Variants in BAZ2B observed in about 807,000 individuals in gnomAD.
BAZ2B encodes the protein bromodomain adjacent to zinc finger domain 2B, also known as bromodomain adjacent to zinc finger domain protein 2B.
BAZ2B carries 91 observed loss-of-function variants against 246.0 expected under a neutral mutation model. That is an observed-to-expected ratio of 0.37 (90% CI 0.31 to 0.44). The LOEUF is 0.44. Among genes scored for constraint, BAZ2B ranks in the 20% least tolerant of loss-of-function variants. BAZ2B has a pLI of 1.00. For synonymous variants in BAZ2B, 855 were observed against 860.0 expected (o/e 0.99, Z 0.10); for missense variants, 2,332 against 2,533.7 (o/e 0.92, Z 1.71).
intron 3 of BAZ2B, chr2:159,458,700 A>G (rs1166705618): frequency 6.6e-6 from 1 of 152,134 alleles, no homozygotes; most frequent in African/African-American, 2.4e-5. Flanking sequence ...CTTCTTAACT[A>G]TACATCTTTC....
At chr2:159,368,120 A>T (rs1373144971) in intron 27 of BAZ2B, among the ~76,000 whole-genome samples, 4 of 152,204 alleles carry the variant, frequency 2.6e-5, no homozygotes, top group African/African-American at 9.6e-5. Context: ...GGATAGGGAC[A>T]GGTTAACTGA....
intron 2 of BAZ2B, among the ~76,000 whole-genome samples, chr2:159,514,273 C>G (rs1477244383): frequency 6.6e-6 from 1 of 152,112 alleles, no homozygotes; most frequent in Non-Finnish European, 1.5e-5. Flanking sequence ...CACAAATATG[C>G]AAATTAAATA....
intron 6 of BAZ2B, chr2:159,445,030 A>G (rs2074026694): frequency 6.6e-6 from 1 of 152,332 alleles, no homozygotes; most frequent in Admixed American, 6.5e-5. Flanking sequence ...TTCTCAGCTT[A>G]CTTAGTTAGA....
At chr2:159,387,009 T>C (rs754055646) in intron 21 of BAZ2B, among the ~76,000 whole-genome samples, 7 of 152,286 alleles carry the variant, frequency 4.6e-5, no homozygotes, top group African/African-American at 9.6e-5. Flanking sequence ...GACATACTTA[T>C]AGGGGCATGT....
intron 1 of BAZ2B, among the ~76,000 whole-genome samples, chr2:159,592,125 A>G (rs1435767912): frequency 4.6e-5 from 7 of 152,138 alleles, no homozygotes; most frequent in Admixed American, 4.6e-4. Context: ...TCTCAAACAA[A>G]CAAAAAAACA....
the BAZ2B span, among the ~76,000 whole-genome samples, chr2:159,635,366 T>A: frequency 6.0e-5 from 9 of 150,180 alleles, no homozygotes; most frequent in African/African-American, 2.2e-4. Flanking sequence ...AAAAAAAAAA[T>A]AAAAATAAAA....
Position 159,438,304 on chromosome 2 carries a change from C to T in BAZ2B, c.1292G>A (p.Arg431Gln), listed in dbSNP as rs762616502. 7 of 1,609,200 alleles carry T rather than the reference C, an allele frequency of 4.3e-6. No homozygotes were observed. Among genetic ancestry groups the T allele is most frequent in the Admixed American group, 3.4e-5 (2 of 58,992 alleles). ...TTGTATAAATAATTTGTAACTCACCCGTTTGGATCTCAATTCACTGGTCAA... is the reference window on the plus strand; with the variant it reads ...TTGTATAAATAATTTGTAACTCACCTGTTTGGATCTCAATTCACTGGTCAA... Reference protein sequence around the residue: ...SLLTSELRSKREQYKQAFPSQ... With the variant: ...SLLTSELRSKQEQYKQAFPSQ... The change falls in exon 8 of 37, where the codon CGG becomes CAG. Residue 431 changes from arginine to glutamine, a missense_variant and splice_region_variant. Arg to Gln is a conservative substitution (Grantham distance 43). This residue lies in a region of BAZ2B where 651 missense variants were observed against 650.9 expected (regional missense o/e 1.00). Coordinates refer to ENST00000392783, the MANE Select transcript of BAZ2B (RefSeq NM_013450.4).
At chr2:159,690,701 C>A in the BAZ2B span, among the ~76,000 whole-genome samples, 1 of 152,088 alleles carries the variant, frequency 6.6e-6, no homozygotes, top group Non-Finnish European at 1.5e-5. Context: ...CACAACTGTT[C>A]AACTCTGCTG....
At chr2:159,558,934 T>G (rs1275727493) in intron 1 of BAZ2B, among the ~76,000 whole-genome samples, 3 of 152,018 alleles carry the variant, frequency 2.0e-5, no homozygotes, top group African/African-American at 4.8e-5. Context: ...TCATACCAAA[T>G]TAGATCAGAA....
the BAZ2B span, among the ~76,000 whole-genome samples, chr2:159,705,203 G>T: frequency 1.3e-5 from 2 of 151,488 alleles, no homozygotes; most frequent in African/African-American, 4.9e-5. Flanking sequence ...GTATTTTTTT[G>T]TAGAGATGGG....
chr2:159,317,681 A>G (rs1039459317), downstream of BAZ2B, among the ~76,000 whole-genome samples: 4 of 152,224 alleles, frequency 2.6e-5, no homozygotes, highest in Admixed American at 6.5e-5. Context: ...GCTTCAGGTG[A>G]AAGCCTAATT....
intron 25 of BAZ2B, among the ~76,000 whole-genome samples, 171 bp from the exon 26 acceptor site, chr2:159,374,924 A>C (rs1222173669): frequency 6.6e-6 from 1 of 152,192 alleles, no homozygotes; most frequent in Non-Finnish European, 1.5e-5. Context: ...TGTTTAAAAA[A>C]AACACAAAAA....
chr2:159,428,282 A>G (rs2070375279), intron 12 of BAZ2B, 29 bp downstream of exon 12: 1 of 1,572,122 alleles, frequency 6.4e-7, no homozygotes. Context: ...TAGGCACCAA[A>G]TGTACATTAT....
chr2:159,447,562 T>C (rs1016593292), intron 5 of BAZ2B, among the ~76,000 whole-genome samples: 1 of 152,158 alleles, frequency 6.6e-6, no homozygotes, highest in African/African-American at 2.4e-5. Flanking sequence ...ACTAGGTTAT[T>C]AATTTTAATG....
intron 18 of BAZ2B, 31 bp downstream of exon 18, chr2:159,398,798 A>T: frequency 6.3e-7 from 1 of 1,585,146 alleles, no homozygotes; most frequent in Admixed American, 1.8e-5. Context: ...ATTTTTCAAA[A>T]ATAAAAACTC....
intron 6 of BAZ2B, among the ~76,000 whole-genome samples, chr2:159,439,436 G>T (rs1182682141): frequency 6.6e-6 from 1 of 152,070 alleles, no homozygotes; most frequent in Admixed American, 6.5e-5. Flanking sequence ...GTAGAATATT[G>T]AAAATATCAA....
At chr2:159,624,010 G>C in the BAZ2B span, among the ~76,000 whole-genome samples, 1 of 152,214 alleles carries the variant, frequency 6.6e-6, no homozygotes, top group Non-Finnish European at 1.5e-5. Flanking sequence ...TTGGTGGGGG[G>C]AGGGGCATCT....
rs1466764238 is a variant in BAZ2B at position 159,453,804 on chromosome 2, G to A, written c.146-3C>T. The A allele has an allele frequency of 6.4e-7, 1 of 1,569,790 alleles. No individual in the cohort carries two copies. The highest frequency in any genetic ancestry group is 2.3e-5 in the East Asian group (1 of 43,280). On this transcript the variant is annotated splice_polypyrimidine_tract_variant and splice_region_variant and intron_variant, in intron 3 of 36. Transcript: ENST00000392783. ...CCCAGCTGTTCTGAATAAATGTCCT[G>A]GGAGGGAAAAAAACACACTTAAAGT...
intron 21 of BAZ2B, among the ~76,000 whole-genome samples, chr2:159,388,346 G>A (rs941489599): frequency 2.0e-5 from 3 of 152,020 alleles, no homozygotes; most frequent in Non-Finnish European, 2.9e-5. Flanking sequence ...AATTATGCTG[G>A]TTGCCAAGAT....
Sources: gnomAD v4.1 joint callset for allele counts (sites outside exome capture counted in the v4.1 genomes callset) on GRCh38, gnomAD v4.1.1 for gene constraint, gnomAD v4.1.1 regional missense constraint, MANE v1.5 for transcripts, NCBI Gene and HGNC (gene_info 2026-07-23, HGNC 2026-07-21) for gene names.